ADGRV1: variants seen among roughly 807,000 people sequenced by gnomAD.
ADGRV1 encodes the protein adhesion G protein-coupled receptor V1.
ADGRV1 carries 359 observed loss-of-function variants against 596.2 expected under a neutral mutation model. The ratio of observed to expected loss-of-function variants is 0.60; its 90% CI spans 0.55 to 0.66. The LOEUF (loss-of-function observed/expected upper bound fraction) is 0.66. Ranked by LOEUF, ADGRV1 falls within the 30% of genes least tolerant of loss-of-function variation. The pLI, the probability that ADGRV1 is intolerant of heterozygous loss-of-function variation, is 0.00. For synonymous variants in ADGRV1, 2,681 were observed against 2,679.2 expected, an observed-to-expected ratio of 1.00 and a Z score of -0.02; for missense variants, 7,274 against 7,575.6, an observed-to-expected ratio of 0.96 and a Z score of 1.48.
chr5:91,058,403 A>G (rs921654587), intron 85 of ADGRV1, among the ~76,000 whole-genome samples: 2 of 152,002 alleles, frequency 1.3e-5, no homozygotes, highest in African/African-American at 4.8e-5. Context: ...CCCATCCAGA[A>G]TGCAGGCTTT....
At chr5:90,680,412 T>C (rs961185666) in intron 26 of ADGRV1, among the ~76,000 whole-genome samples, 3 of 151,314 alleles carry the variant, frequency 2.0e-5, no homozygotes, top group Non-Finnish European at 4.4e-5. Flanking sequence ...AGAAAATAAA[T>C]GGAAGGATAG....
chr5:90,604,415 G>T (rs1033217293), intron 1 of ADGRV1, among the ~76,000 whole-genome samples: 1 of 151,696 alleles, frequency 6.6e-6, no homozygotes, highest in African/African-American at 2.4e-5. Flanking sequence ...AGTATCCAAA[G>T]AAACAATTTT....
intron 1 of ADGRV1, among the ~76,000 whole-genome samples, chr5:90,587,342 T>C (rs1236197032): frequency 6.6e-6 from 1 of 152,112 alleles, no homozygotes; most frequent in Non-Finnish European, 1.5e-5. Context: ...TGGGGAATGA[T>C]GGTTAGAGGC....
intron 70 of ADGRV1, chr5:90,793,127 A>G (rs538704710): frequency 6.6e-6 from 1 of 152,306 alleles, no homozygotes; most frequent in East Asian, 1.9e-4. Context: ...AACTGACTCA[A>G]TGTCATGACC....
intron 74 of ADGRV1, among the ~76,000 whole-genome samples, chr5:90,814,249 A>G (rs1053943069): frequency 6.6e-6 from 1 of 152,212 alleles, no homozygotes; most frequent in Non-Finnish European, 1.5e-5. Context: ...CATGTCCCTA[A>G]TAAAGGGGCT....
At chr5:90,597,654 AG>A (rs1219084272) in intron 1 of ADGRV1, among the ~76,000 whole-genome samples, 2 of 152,126 alleles carry the variant, frequency 1.3e-5, no homozygotes, top group Admixed American at 1.3e-4. Context: ...AGAGGAAACC[AG>A]GCTGAGAATG....
intron 87 of ADGRV1, among the ~76,000 whole-genome samples, chr5:91,127,972 C>T (rs377232485): frequency 2.0e-5 from 3 of 151,918 alleles, no homozygotes; most frequent in African/African-American, 7.3e-5. Context: ...TAAATCTAAT[C>T]GCTCTGGTTA....
intron 79 of ADGRV1, 65 bp downstream of exon 79, chr5:90,848,886 A>G (rs1766187440): frequency 3.5e-6 from 4 of 1,127,028 alleles, no homozygotes; most frequent in Non-Finnish European, 3.8e-6. Flanking sequence ...ACAAAGCAAT[A>G]TGTAATGCAA....
intron 43 of ADGRV1, among the ~76,000 whole-genome samples, chr5:90,719,533 A>G (rs1167181430): frequency 6.6e-6 from 1 of 151,998 alleles, no homozygotes; most frequent in African/African-American, 2.4e-5. Flanking sequence ...CTTTCACTCA[A>G]TATAATGTTT....
Position 90,840,959 on chromosome 5 carries a change from A to T in ADGRV1, c.16993A>T (p.Ser5665Cys). ...VATENTDEQLSAMMHLIEKIT... is the reference protein window; with the variant it reads ...VATENTDEQLCAMMHLIEKIT... ...CACAGAAAACACAGATGAACAACTC[A>T]GTGCCATGATGCATTTAATAGAAAA... Residue 5665 changes from serine to cysteine, a missense_variant, in exon 78 of 90, where the codon AGT becomes TGT. Ser to Cys is a moderately radical substitution (Grantham distance 112, BLOSUM62 -1). Coordinates refer to ENST00000405460, the MANE Select transcript of ADGRV1 (RefSeq NM_032119.4). The T allele has an allele frequency of 7.0e-7, 1 of 1,436,828 alleles. No homozygotes were observed. Among genetic ancestry groups the T allele is most frequent in the South Asian group, 1.9e-5 (1 of 53,328 alleles). The allele number at this position is 1,436,828 out of a possible 1,614,324, so 89.0% of individuals were successfully genotyped here. A position where few individuals can be genotyped will look rare whatever the true frequency, so the allele number is the denominator to read the frequency against.
intron 1 of ADGRV1, among the ~76,000 whole-genome samples, chr5:90,568,153 T>C (rs1314592941): frequency 6.6e-6 from 1 of 152,118 alleles, no homozygotes; most frequent in African/African-American, 2.4e-5. Context: ...TTCCTTCTGC[T>C]TGATTTGGGT....
chr5:91,142,359 T>C (rs1795167534), intron 87 of ADGRV1, among the ~76,000 whole-genome samples: 1 of 152,234 alleles, frequency 6.6e-6, no homozygotes, highest in Admixed American at 6.5e-5. Flanking sequence ...CTTCCTTTTT[T>C]AATTCCAAAT....
At chr5:91,152,873 T>TA (rs113700199) in intron 88 of ADGRV1, among the ~76,000 whole-genome samples, 3,160 of 152,092 alleles carry the variant, frequency 0.021, 122 homozygotes, top group African/African-American at 0.072. Flanking sequence ...ATGGGGGTCT[T>TA]ACAGTCTTGT....
At chr5:90,609,048 G>A (rs1397180977) in intron 1 of ADGRV1, among the ~76,000 whole-genome samples, 1 of 151,788 alleles carries the variant, frequency 6.6e-6, no homozygotes, top group African/African-American at 2.4e-5. Flanking sequence ...ATGGAAGTCT[G>A]GTATTCCTTT....
chr5:90,885,129 A>T (rs1770155325), intron 83 of ADGRV1, among the ~76,000 whole-genome samples: 1 of 152,138 alleles, frequency 6.6e-6, no homozygotes, highest in Non-Finnish European at 1.5e-5. Context: ...GCAACCCTTC[A>T]TTTAAGGACC....
chr5:91,046,906 T>C (rs953405793), intron 85 of ADGRV1, among the ~76,000 whole-genome samples: 3 of 151,576 alleles, frequency 2.0e-5, no homozygotes, highest in Admixed American at 1.3e-4. Flanking sequence ...CCAACAAACA[T>C]ATGAAAAAAT....
intron 61 of ADGRV1, among the ~76,000 whole-genome samples, chr5:90,777,460 A>G (rs12519770): frequency 0.41 from 61,987 of 151,998 alleles, 14,639 homozygotes; most frequent in Admixed American, 0.58. Context: ...GCAACTATCA[A>G]TGGCATAGCT....
At chr5:90,911,250 C>G (rs1259159534) in intron 83 of ADGRV1, among the ~76,000 whole-genome samples, 1 of 152,178 alleles carries the variant, frequency 6.6e-6, no homozygotes, top group East Asian at 1.9e-4. Context: ...AATGAGAATT[C>G]TATTTTTAAC....
chr5:90,763,263 G>GTTTT (rs748905721), intron 58 of ADGRV1, 42 bp from the exon 59 acceptor site: 12 of 1,082,350 alleles, frequency 1.1e-5, no homozygotes, highest in South Asian at 4.6e-5. Flanking sequence ...TGCTCTTTTT[G>GTTTT]TTTTTTTTTT....
Sources: gnomAD v4.1 joint callset for allele counts (sites outside exome capture counted in the v4.1 genomes callset) on GRCh38, gnomAD v4.1.1 for gene constraint, MANE v1.5 for transcripts, NCBI Gene and HGNC (gene_info 2026-07-23, HGNC 2026-07-21) for gene names.